Variants in MMP16 observed in about 807,000 individuals in gnomAD.
The protein encoded by MMP16 is matrix metallopeptidase 16, also known as matrix metalloproteinase-16.
MMP16 carries 12 observed loss-of-function variants against 67.8 expected under a neutral mutation model. The ratio of observed to expected loss-of-function variants is 0.18; its 90% CI spans 0.11 to 0.29. The LOEUF is 0.29. MMP16 is among the 10% of genes least tolerant of loss of function. The pLI is 1.00. For synonymous variants in MMP16, 249 were observed against 255.9 expected, an observed-to-expected ratio of 0.97 and a Z score of 0.26; for missense variants, 475 against 765.7, an observed-to-expected ratio of 0.62 and a Z score of 4.48.
intron 2 of MMP16, among the ~76,000 whole-genome samples, chr8:88,186,822 T>C (rs887765905): frequency 6.6e-6 from 1 of 152,152 alleles, no homozygotes; most frequent in African/African-American, 2.4e-5. Context: ...TAGTTTACTA[T>C]TCAGATCCTT....
chr8:88,325,213 A>T (rs1811517927), intron 1 of MMP16, among the ~76,000 whole-genome samples: 1 of 152,262 alleles, frequency 6.6e-6, no homozygotes, highest in Non-Finnish European at 1.5e-5. Context: ...TAGTACAATC[A>T]TAACTTTTTT....
At chr8:88,240,762 T>A (rs972190198) in intron 1 of MMP16, among the ~76,000 whole-genome samples, 17 of 152,282 alleles carry the variant, frequency 1.1e-4, no homozygotes, top group African/African-American at 3.8e-4. Context: ...CCTCTTATCA[T>A]TAGTTCCACA....
At chr8:88,044,514 T>C (rs1808174939) in intron 9 of MMP16, among the ~76,000 whole-genome samples, 1 of 152,232 alleles carries the variant, frequency 6.6e-6, no homozygotes, top group East Asian at 1.9e-4. Context: ...ATTTTTTTCC[T>C]TTTAAAAGCA....
At chr8:88,176,574 T>A (rs752657074) in intron 3 of MMP16, among the ~76,000 whole-genome samples, 5 of 152,232 alleles carry the variant, frequency 3.3e-5, no homozygotes, top group Non-Finnish European at 7.4e-5. Context: ...TTACTACTTA[T>A]TGATTGTTTT....
chr8:88,163,764 T>G (rs1808669136), intron 4 of MMP16, among the ~76,000 whole-genome samples: 1 of 152,116 alleles, frequency 6.6e-6, no homozygotes, highest in Non-Finnish European at 1.5e-5. Context: ...GACTTAAATT[T>G]TCCAAGTCTC....
At chr8:88,055,648 T>C (rs1808322696) in intron 8 of MMP16, among the ~76,000 whole-genome samples, 1 of 152,206 alleles carries the variant, frequency 6.6e-6, no homozygotes, top group Non-Finnish European at 1.5e-5. Flanking sequence ...CCAGTGATAG[T>C]TTGACTATGG....
intron 1 of MMP16, among the ~76,000 whole-genome samples, chr8:88,251,352 A>G (rs2129925194): frequency 6.6e-6 from 1 of 151,254 alleles, no homozygotes; most frequent in South Asian, 2.1e-4. Context: ...ATCTACAACT[A>G]TCTGATCTTT....
At chr8:88,126,732 G>A (rs1397309486) in intron 4 of MMP16, among the ~76,000 whole-genome samples, 1 of 151,750 alleles carries the variant, frequency 6.6e-6, no homozygotes, top group African/African-American at 2.4e-5. Context: ...CGTATTTAAA[G>A]TCCTGACTCA....
chr8:88,284,744 A>G (rs1056075717), intron 1 of MMP16, among the ~76,000 whole-genome samples: 2 of 152,002 alleles, frequency 1.3e-5, no homozygotes, highest in African/African-American at 4.8e-5. Flanking sequence ...TTCCTAAAAC[A>G]ATTCCACTTC....
At chr8:88,180,442 G>C (rs1808962096) in intron 3 of MMP16, among the ~76,000 whole-genome samples, 2 of 151,986 alleles carry the variant, frequency 1.3e-5, no homozygotes, top group South Asian at 4.2e-4. Context: ...TGAAGGTATG[G>C]AGAAAGATAT....
At chr8:88,140,924 T>C (rs1420748966) in intron 4 of MMP16, among the ~76,000 whole-genome samples, 1 of 152,166 alleles carries the variant, frequency 6.6e-6, no homozygotes, top group Non-Finnish European at 1.5e-5. Flanking sequence ...AGGTTCTATG[T>C]GAAAAGTCAT....
At chr8:88,103,708 T>C (rs1809184489) in intron 6 of MMP16, among the ~76,000 whole-genome samples, 1 of 151,826 alleles carries the variant, frequency 6.6e-6, no homozygotes, top group African/African-American at 2.4e-5. Flanking sequence ...ATGACAGCTC[T>C]CACATGATAT....
intron 6 of MMP16, among the ~76,000 whole-genome samples, chr8:88,084,187 T>C (rs933477098): frequency 1.3e-5 from 2 of 152,032 alleles, no homozygotes; most frequent in African/African-American, 4.8e-5. Flanking sequence ...GCATCAAGGA[T>C]TGCATCAGTG....
intron 6 of MMP16, among the ~76,000 whole-genome samples, chr8:88,081,497 C>T (rs1477010281): frequency 1.3e-5 from 2 of 152,068 alleles, no homozygotes; most frequent in African/African-American, 4.8e-5. Flanking sequence ...TGCCTGTAAT[C>T]CCAGCTACTT....
At chr8:88,223,734 T>A (rs1809723666) in intron 1 of MMP16, among the ~76,000 whole-genome samples, 1 of 149,884 alleles carries the variant, frequency 6.7e-6, no homozygotes, top group South Asian at 2.1e-4. Context: ...GAGATATACC[T>A]AATGTAAATG....
chr8:88,231,054 C>A (rs1809852270), intron 1 of MMP16, among the ~76,000 whole-genome samples: 1 of 151,990 alleles, frequency 6.6e-6, no homozygotes, highest in Non-Finnish European at 1.5e-5. Context: ...ATGGAATGGG[C>A]AATATATATG....
chr8:88,130,808 T>C (rs1808016081), intron 4 of MMP16, among the ~76,000 whole-genome samples: 1 of 151,132 alleles, frequency 6.6e-6, no homozygotes, highest in African/African-American at 2.4e-5. Context: ...AGTAGAGCAA[T>C]GAATAAAGCA....
intron 1 of MMP16, among the ~76,000 whole-genome samples, chr8:88,310,185 A>G (rs535250889): frequency 6.6e-6 from 1 of 152,144 alleles, no homozygotes; most frequent in Non-Finnish European, 1.5e-5. Flanking sequence ...ACCACCAGAA[A>G]AAAACGACGA....
intron 3 of MMP16, among the ~76,000 whole-genome samples, chr8:88,185,285 CCTGTGT>C (rs1809056207): frequency 1.3e-5 from 2 of 151,914 alleles, no homozygotes; most frequent in East Asian, 3.9e-4. Flanking sequence ...ACGGGGAAAT[CCTGTGT>C]CTACAAAAAA....
Sources: allele counts gnomAD v4.1 joint callset (sites outside exome capture counted in the v4.1 genomes callset), GRCh38; gene constraint gnomAD v4.1.1; transcripts MANE v1.5; gene names NCBI Gene and HGNC (gene_info 2026-07-23, HGNC 2026-07-21).